Variants in BABAM1 observed in about 807,000 individuals in gnomAD.
The protein encoded by BABAM1 is BRISC and BRCA1 A complex member 1, also known as BRISC and BRCA1-A complex member 1.
In BABAM1, 14 loss-of-function variants were observed where a neutral mutation model predicts 34.4. That is an observed-to-expected ratio of 0.41 (90% CI 0.27 to 0.64). The LOEUF (loss-of-function observed/expected upper bound fraction) is 0.64. BABAM1 is among the 30% of genes least tolerant of loss of function. The pLI, the probability that BABAM1 is intolerant of heterozygous loss-of-function variation, is 0.34. For missense variants in BABAM1, 393 were observed against 434.0 expected, an observed-to-expected ratio of 0.91 and a Z score of 0.84; for synonymous variants, 169 against 165.8, an observed-to-expected ratio of 1.02 and a Z score of -0.15.
At chr19:17,273,755 G>A in intron 3 of BABAM1, 149 bp from the exon 4 acceptor site, 2 of 1,061,380 alleles carry the variant, frequency 1.9e-6, no homozygotes, top group Middle Eastern at 2.7e-4. Flanking sequence ...AGTAGAGATG[G>A]GGTTTCACCA....
In BABAM1 at chr19:17,273,895, C is replaced by G. The variant is rs770883294; in HGVS notation, c.345-9C>G. 1 of 1,600,144 alleles carries G rather than the reference C, an allele frequency of 6.2e-7. No homozygotes were observed. Among genetic ancestry groups the G allele is most frequent in the African/African-American group, 1.3e-5 (1 of 74,690 alleles). On this transcript the variant is annotated splice_polypyrimidine_tract_variant and intron_variant, in intron 3 of 8. Coordinates refer to ENST00000598188, the MANE Select transcript of BABAM1 (RefSeq NM_014173.4). The stretch of plus-strand genomic sequence containing the variant: ...AACCTTAATTCCCCTGTACTCTCTG[C>G]CTCCCCAGCTCCAAAACCAACGCCC...
At chr19:17,269,851 T>G (rs146730193) in intron 2 of BABAM1, among the ~76,000 whole-genome samples, 7 of 151,944 alleles carry the variant, frequency 4.6e-5, no homozygotes, top group African/African-American at 1.7e-4. Flanking sequence ...CGCCTCAGCC[T>G]CCTGAGTAGC....
At chr19:17,277,114 G>A in intron 8 of BABAM1, 2 of 562,064 alleles carry the variant, frequency 3.6e-6, no homozygotes, top group South Asian at 4.7e-5. Context: ...CGATGGTCCA[G>A]GCAACATGTT....
chr19:17,271,593 G>T lies in BABAM1; in HGVS notation c.286-4G>T. 6.2e-7 allele frequency: 1 copy of T among 1,613,588 alleles called. No homozygotes were observed. The highest frequency in any genetic ancestry group is 8.5e-7 in the Non-Finnish European group (1 of 1,179,740). ...ACGCTCACCACCCTCCAACTACCTT[G>T]CAGATTATCTGCCTGGACCTGTCAG... is the stretch of plus-strand genomic sequence containing the variant. On this transcript the variant is annotated splice_region_variant and splice_polypyrimidine_tract_variant and intron_variant, in intron 2 of 8. Transcript: ENST00000598188.
rs1161638719 is a variant in BABAM1, at chr19:17,276,564, C to T, written c.639C>T (p.Thr213=). 2 of 1,605,914 alleles carry T rather than the reference C, an allele frequency of 1.2e-6. No individual in the cohort carries two copies. Among genetic ancestry groups the T allele is most frequent in the Non-Finnish European group, 1.7e-6 (2 of 1,176,586 alleles). The change falls in exon 7 of 9, where the codon ACC becomes ACT. Residue 213 remains threonine (T), a synonymous_variant. Transcript: ENST00000598188. ...QTIPPPYVVR[T]ILVYSRPPCQ... is the part of the protein sequence containing the mutation. ...TTCCCCCGCCATATGTGGTCCGCAC[C>T]ATCCTTGTCTACAGCCGTCCACCTT... is the stretch of plus-strand genomic sequence containing the variant.
intron 7 of BABAM1, 90 bp downstream of exon 7, chr19:17,276,714 G>T: frequency 1.3e-6 from 2 of 1,555,966 alleles, no homozygotes; most frequent in Non-Finnish European, 1.7e-6. Flanking sequence ...AGAGGCTGGG[G>T]TGCCTAGAGG....
intron 2 of BABAM1, among the ~76,000 whole-genome samples, chr19:17,270,328 G>A (rs1169969408): frequency 6.6e-6 from 1 of 151,774 alleles, no homozygotes; most frequent in Non-Finnish European, 1.5e-5. Flanking sequence ...GATTACAGGT[G>A]TTAGCCACCG....
intron 5 of BABAM1, among the ~76,000 whole-genome samples, chr19:17,275,310 G>A (rs1404198748): frequency 6.8e-6 from 1 of 147,976 alleles, no homozygotes; most frequent in East Asian, 2.0e-4. Flanking sequence ...TTTTTTTTGA[G>A]ATGGAGTCTC....
rs1568335709 is a variant in BABAM1, at chr19:17,275,818, A to C, written c.562A>C (p.Ser188Arg). 6.2e-7 allele frequency: 1 copy of C among 1,613,808 alleles called. No homozygotes were observed. The highest frequency in any genetic ancestry group is 8.5e-7 in the Non-Finnish European group (1 of 1,179,772). ...CCCACCAGATCTGGAAGGACTTTTC[A>C]GCCTCATGTAAGTCCCCTGTGGGGA... is the stretch of plus-strand genomic sequence containing the variant. ...CSTFNLEGLF[S>R]LIQQKTELPV... Residue 188 changes from serine to arginine, a missense_variant, in exon 6 of 9, where the codon AGC becomes CGC. Ser to Arg is a moderately radical substitution (Grantham distance 110). Coordinates refer to ENST00000598188, the MANE Select transcript of BABAM1 (RefSeq NM_014173.4).
At chr19:17,275,907 TA>T in intron 6 of BABAM1, 82 bp downstream of exon 6, 1 of 1,493,934 alleles carries the variant, frequency 6.7e-7, no homozygotes, top group Non-Finnish European at 9.3e-7. Flanking sequence ...GGCACAGAAG[TA>T]ATCTAGGGAG....
In BABAM1 at chr19:17,274,909, G is replaced by GGGA. The variant is rs1233115051; in HGVS notation, c.544+725_544+727dup. 2.6e-5 allele frequency among the ~76,000 whole-genome samples: 4 copies of GGGA among 152,158 alleles called. No individual in the cohort carries two copies. The East Asian group carries it at 7.7e-4, about 29-fold the overall frequency. On this transcript the variant is annotated intron_variant, in intron 5 of 8. Transcript: ENST00000598188. Reference sequence around the variant, plus strand: ...GAGTGGCCCCAGCCATGCAGGAAAGGGGACCTTTTTTTATTTTTGCTCCTG... The same window carrying GGGA: ...GAGTGGCCCCAGCCATGCAGGAAAGGGGAGGACCTTTTTTTATTTTTGCTCCTG...
intron 5 of BABAM1, chr19:17,274,427 G>C: frequency 1.8e-6 from 1 of 545,044 alleles, no homozygotes; most frequent in Non-Finnish European, 3.3e-6. Flanking sequence ...TTTGGTCCGG[G>C]CATGGTGGTC....
chr19:17,273,146 G>A (rs991521150), intron 3 of BABAM1, among the ~76,000 whole-genome samples: 1 of 152,218 alleles, frequency 6.6e-6, no homozygotes, highest in Non-Finnish European at 1.5e-5. Context: ...TTGCTCAAGG[G>A]CTCAGAGTAA....
In BABAM1 at chr19:17,274,125, G is replaced by A; in HGVS notation, c.484G>A (p.Asp162Asn). 2 of 1,613,638 alleles carry A rather than the reference G, an allele frequency of 1.2e-6. No individual in the cohort carries two copies. Among genetic ancestry groups the A allele is most frequent in the Middle Eastern group, 1.7e-4 (1 of 5,990 alleles). The change falls in exon 5 of 9, where the codon GAC becomes AAC. Residue 162 changes from aspartate to asparagine, a missense_variant. Transcript: ENST00000598188. ...DTAWLSGLTS[D>N]PRELCSCLYD... ...CCTGCAGCTGTCTGGCCTGACCTCC[G>A]ACCCCCGCGAGCTCTGTAGCTGCCT...
At position 17,268,890 on chromosome 19, in the gene BABAM1, C is replaced by T. The variant is rs542352643; in HGVS notation, c.84C>T (p.Arg28=). The T allele has an allele frequency of 3.8e-6, 6 of 1,593,470 alleles. No homozygotes were observed. The highest frequency in any genetic ancestry group is 5.1e-6 in the Non-Finnish European group (6 of 1,170,914). The change falls in exon 2 of 9, where the codon CGC becomes CGT. Residue 28 remains arginine (R), a synonymous_variant. Transcript: ENST00000598188. Reference sequence around the variant, plus strand: ...CGGCAGAGCCTCGGCCCCGCACTCGCTCCAATCCTGAAGGGGCTGAGGACC... The same window carrying T: ...CGGCAGAGCCTCGGCCCCGCACTCGTTCCAATCCTGAAGGGGCTGAGGACC... ...EHSAEPRPRT[R]SNPEGAEDRA...
Position 17,268,899 on chromosome 19 carries a change from T to C in BABAM1, c.93T>C (p.Pro31=), listed in dbSNP as rs1429772107. 1 of 1,588,012 alleles carries C rather than the reference T, an allele frequency of 6.3e-7. No homozygotes were observed. Among genetic ancestry groups the C allele is most frequent in the South Asian group, 1.1e-5 (1 of 87,598 alleles). The change falls in exon 2 of 9, where the codon CCT becomes CCC. Residue 31 remains proline (P), a synonymous_variant. Coordinates refer to ENST00000598188, the MANE Select transcript of BABAM1 (RefSeq NM_014173.4). ...AEPRPRTRSN[P]EGAEDRAVGA... ...CTCGGCCCCGCACTCGCTCCAATCC[T>C]GAAGGGGCTGAGGACCGGGCAGTAG...
chr19:17,274,570 T>TA (rs2073886142), intron 5 of BABAM1: 213 of 170,782 alleles, frequency 1.2e-3, no homozygotes, highest in South Asian at 2.6e-3. Context: ...TCCGTCTTTT[T>TA]TAAAAAAAAA....
intron 5 of BABAM1, 118 bp downstream of exon 5, chr19:17,274,303 C>A: frequency 2.3e-6 from 3 of 1,329,030 alleles, no homozygotes; most frequent in Non-Finnish European, 3.1e-6. Context: ...TCAGATCTGC[C>A]AAGGCTGGGA....
rs759663803 is a variant in BABAM1 at position 17,273,899 on chromosome 19, C to T, written c.345-5C>T. 2 of 1,604,060 alleles carry T rather than the reference C, an allele frequency of 1.2e-6. No homozygotes were observed. Among genetic ancestry groups the T allele is most frequent in the Non-Finnish European group, 1.7e-6 (2 of 1,175,562 alleles). On this transcript the variant is annotated splice_polypyrimidine_tract_variant and splice_region_variant and intron_variant, in intron 3 of 8. Coordinates refer to ENST00000598188, the MANE Select transcript of BABAM1 (RefSeq NM_014173.4). ...TTAATTCCCCTGTACTCTCTGCCTC[C>T]CCAGCTCCAAAACCAACGCCCTCAA...
Sources: gnomAD v4.1 joint callset for allele counts (sites outside exome capture counted in the v4.1 genomes callset) on GRCh38, gnomAD v4.1.1 for gene constraint, MANE v1.5 for transcripts, NCBI Gene and HGNC (gene_info 2026-07-23, HGNC 2026-07-21) for gene names.